Variants in BCAN observed in about 807,000 individuals in gnomAD.
BCAN encodes the protein brevican core protein.
In BCAN, 51 loss-of-function variants were observed where a neutral mutation model predicts 92.4. The observed-to-expected ratio is 0.55, with a 90% CI of 0.44 to 0.70. The LOEUF is 0.70. Ranked by LOEUF, BCAN falls within the 30% of genes least tolerant of loss-of-function variation. The pLI, the probability that BCAN is intolerant of heterozygous loss-of-function variation, is 0.00. For missense variants in BCAN, 1,140 were observed against 1,212.1 expected (o/e 0.94, Z 0.88); for synonymous variants, 501 against 505.2 (o/e 0.99, Z 0.11).
rs1273509956 is a variant in BCAN at position 156,642,210 on chromosome 1, C to G, written c.-74C>G. On this transcript the variant is annotated 5_prime_UTR_variant, in exon 1 of 14. Transcript: ENST00000329117. This position sits in a 1 kb window ranked among gnomAD's most constrained non-coding sequence, Gnocchi z 4.2. ...CAGCTGCAGGACTGAGCCGTGCACC[C>G]GGAGGAGACCCCCGGAGGAGGCGAC... 6.6e-6 allele frequency: 1 copy of G among 152,286 alleles called. No individual in the cohort carries two copies. The highest frequency in any genetic ancestry group is 1.5e-5 in the Non-Finnish European group (1 of 68,102). The allele number at this position is 152,286 out of a possible 1,614,324, so 9.4% of individuals were successfully genotyped here.
At position 156,648,549 on chromosome 1, in the gene BCAN, C is replaced by G. The variant is rs749270952; in HGVS notation, c.770-19C>G. On this transcript the variant is annotated intron_variant, in intron 5 of 13. Coordinates refer to ENST00000329117, the MANE Select transcript of BCAN (RefSeq NM_021948.5). Reference sequence around the variant, plus strand: ...AGCTACCAGCTGCCTGATAACCCAGCCTTCTCTTCTCCACCCAGGAGAACT... The same window carrying G: ...AGCTACCAGCTGCCTGATAACCCAGGCTTCTCTTCTCCACCCAGGAGAACT... 1.6e-5 allele frequency: 25 copies of G among 1,562,552 alleles called. No individual in the cohort carries two copies. The highest frequency in any genetic ancestry group is 4.1e-5 in the African/African-American group (3 of 74,042).
intron 9 of BCAN, 60 bp downstream of exon 9, chr1:156,656,449 T>A: frequency 8.4e-7 from 1 of 1,186,200 alleles, no homozygotes; most frequent in Non-Finnish European, 1.1e-6. Flanking sequence ...ACGTGCTACT[T>A]CTGGAGGGGG....
chr1:156,656,316 G>C lies in BCAN; in HGVS notation c.1977G>C (p.Gly659=). 1 of 1,448,732 alleles carries C rather than the reference G, an allele frequency of 6.9e-7. No individual in the cohort carries two copies. Among genetic ancestry groups the C allele is most frequent in the Non-Finnish European group, 9.0e-7 (1 of 1,107,854 alleles). The allele number at this position is 1,448,732 out of a possible 1,614,324, so 89.7% of individuals were successfully genotyped here. A position where few individuals can be genotyped will look rare whatever the true frequency, so the allele number is the denominator to read the frequency against. Residue 659 remains glycine, a synonymous_variant, in exon 9 of 14, where the codon GGG becomes GGC. Transcript: ENST00000329117. ...DCVPSPCHNG[G]TCLEEEEGVR... ...TCCCCAGCCCCTGCCACAATGGTGG[G>C]ACATGCTTGGAGGAGGAGGAAGGGG...
At position 156,658,389 on chromosome 1, in the gene BCAN, C is replaced by T. The variant is rs1679411690; in HGVS notation, c.2437+118C>T. ...CAACATAGAGGAGTCAGAACGTGTT[C>T]CAGACCATGGGAGAGCTAACAAGTT... On this transcript the variant is annotated intron_variant, in intron 12 of 13. Transcript: ENST00000329117. The surrounding 1 kb of genome is among the most constrained non-coding windows in gnomAD (Gnocchi z 4.4). 2.0e-6 allele frequency: 3 copies of T among 1,484,454 alleles called. No individual in the cohort carries two copies. The East Asian group carries it at 7.0e-5, about 34-fold the overall frequency. The allele number at this position is 1,484,454 out of a possible 1,614,324, so 92.0% of individuals were successfully genotyped here.
chr1:156,652,555 C>G lies in BCAN; in HGVS notation c.1605C>G (p.Val535=), dbSNP rs201720135. The G allele has an allele frequency of 6.2e-7, 1 of 1,613,978 alleles. No homozygotes were observed. Among genetic ancestry groups the G allele is most frequent in the Non-Finnish European group, 8.5e-7 (1 of 1,179,944 alleles). The change falls in exon 8 of 14, where the codon GTC becomes GTG. Residue 535 remains valine, a synonymous_variant. Coordinates refer to ENST00000329117, the MANE Select transcript of BCAN (RefSeq NM_021948.5). ...GESEASRPPR[V]HGPPTETLPT... is the part of the protein sequence containing the mutation. Reference sequence around the variant, plus strand: ...CAGAAGCTTCCAGGCCTCCAAGGGTCCATGGACCACCTACTGAGACTCTGC... The same window carrying G: ...CAGAAGCTTCCAGGCCTCCAAGGGTGCATGGACCACCTACTGAGACTCTGC...
At chr1:156,654,585 C>T (rs989587800) in intron 8 of BCAN, among the ~76,000 whole-genome samples, 1 of 152,200 alleles carries the variant, frequency 6.6e-6, no homozygotes, top group Non-Finnish European at 1.5e-5. Flanking sequence ...ACTCTGCCTG[C>T]GCTGGGTTCA....
At chr1:156,645,436 A>G (rs1678930559) in intron 1 of BCAN, among the ~76,000 whole-genome samples, 1 of 152,170 alleles carries the variant, frequency 6.6e-6, no homozygotes, top group African/African-American at 2.4e-5. Context: ...GGGAGGAAGT[A>G]GAGGAGAGGG....
rs1678985170 is a variant in BCAN at position 156,646,727 on chromosome 1, G to T, written c.92-74G>T. 2.0e-6 allele frequency: 3 copies of T among 1,499,000 alleles called. No homozygotes were observed. The South Asian group carries it at 4.1e-5, about 20-fold the overall frequency. 92.9% of individuals were successfully genotyped at this position (1,499,000 alleles called of 1,614,324 possible). On this transcript the variant is annotated intron_variant, in intron 2 of 13. Coordinates refer to ENST00000329117, the MANE Select transcript of BCAN (RefSeq NM_021948.5). Reference sequence around the variant, plus strand: ...GGGCCGGAAGGAGGGATCCTGGAGCGGGGCTTGGAGGCCACCGGGTGGGAC... The same window carrying T: ...GGGCCGGAAGGAGGGATCCTGGAGCTGGGCTTGGAGGCCACCGGGTGGGAC...
chr1:156,652,829 G>A lies in BCAN; in HGVS notation c.1879G>A (p.Ala627Thr). Residue 627 changes from alanine to threonine, a missense_variant, in exon 8 of 14, where the codon GCC becomes ACC. This residue lies in a region of BCAN where 825 missense variants were observed against 871.8 expected (regional missense o/e 0.95). Coordinates refer to ENST00000329117, the MANE Select transcript of BCAN (RefSeq NM_021948.5). ...TGCCCCAGCAGGGACCTCAGTGCAG[G>A]CCCAGCCAGTGCTGCCCACTGACAG... ...RTAPAGTSVQAQPVLPTDSAS... is the reference protein window; with the variant it reads ...RTAPAGTSVQTQPVLPTDSAS... 1 of 1,613,760 alleles carries A rather than the reference G, an allele frequency of 6.2e-7. No individual in the cohort carries two copies.
chr1:156,646,102 G>A lies in BCAN; in HGVS notation c.48G>A (p.Gln16=). The A allele has an allele frequency of 6.2e-7, 1 of 1,613,942 alleles. No individual in the cohort carries two copies. The highest frequency in any genetic ancestry group is 1.3e-5 in the African/African-American group (1 of 75,072). ...LPLLAALVLA[Q]APAALADVLE... ...TGCTGGCAGCCCTGGTCCTGGCCCA[G>A]GCTCCTGCAGCTTTAGCAGATGTTC... The change falls in exon 2 of 14, where the codon CAG becomes CAA. Residue 16 remains glutamine (Q), a synonymous_variant. Coordinates refer to ENST00000329117, the MANE Select transcript of BCAN (RefSeq NM_021948.5).
intron 6 of BCAN, among the ~76,000 whole-genome samples, chr1:156,651,145 T>G (rs1450455867): frequency 6.6e-6 from 1 of 152,244 alleles, no homozygotes; most frequent in Non-Finnish European, 1.5e-5. Flanking sequence ...GTGTTCTTTA[T>G]CTTGTAAGAT....
chr1:156,651,841 T>A, intron 7 of BCAN, 152 bp downstream of exon 7: 1 of 713,344 alleles, frequency 1.4e-6, no homozygotes. Context: ...TTCCTGTCCC[T>A]CTCCCAACCT....
intron 1 of BCAN, 37 bp from the exon 2 acceptor site, chr1:156,646,010 T>C (rs774070670): frequency 6.4e-6 from 10 of 1,573,346 alleles, no homozygotes; most frequent in South Asian, 1.1e-5. Flanking sequence ...CATCCTGAAG[T>C]CTAACCCCAT....
rs1679411969 is a variant in BCAN, at chr1:156,658,397, T to C, written c.2437+126T>C. ...AGGAGTCAGAACGTGTTCCAGACCA[T>C]GGGAGAGCTAACAAGTTACGTGGGT... is the stretch of plus-strand genomic sequence containing the variant. On this transcript the variant is annotated intron_variant, in intron 12 of 13. Transcript: ENST00000329117. The surrounding 1 kb of genome is among the most constrained non-coding windows in gnomAD (Gnocchi z 4.4). 3.4e-6 allele frequency: 5 copies of C among 1,472,046 alleles called. No homozygotes were observed. The highest frequency in any genetic ancestry group is 4.6e-6 in the Non-Finnish European group (5 of 1,091,648). The allele number at this position is 1,472,046 out of a possible 1,614,324, so 91.2% of individuals were successfully genotyped here.
In BCAN at chr1:156,652,772, G is replaced by A; in HGVS notation, c.1822G>A (p.Glu608Lys). The A allele has an allele frequency of 6.2e-7, 1 of 1,611,356 alleles. No homozygotes were observed. The highest frequency in any genetic ancestry group is 8.5e-7 in the Non-Finnish European group (1 of 1,178,114). Reference sequence around the variant, plus strand: ...GGCCCCTGAGGGTACCAGGGAGCTGGAGGCCCCCTCTGAAGATAATTCTGG... The same window carrying A: ...GGCCCCTGAGGGTACCAGGGAGCTGAAGGCCCCCTCTGAAGATAATTCTGG... ...TRAPEGTREL[E>K]APSEDNSGRT... The change falls in exon 8 of 14, where the codon GAG becomes AAG. Residue 608 changes from glutamate to lysine, a missense_variant. Glu to Lys is a moderately conservative substitution (Grantham distance 56). Around this residue, in one of 3 missense-constraint regions of BCAN, gnomAD observed 825 missense variants for 871.8 expected, o/e 0.95. Coordinates refer to ENST00000329117, the MANE Select transcript of BCAN (RefSeq NM_021948.5).
intron 8 of BCAN, 55 bp downstream of exon 8, chr1:156,652,947 T>C: frequency 6.3e-7 from 1 of 1,598,492 alleles, no homozygotes; most frequent in Admixed American, 1.7e-5. Context: ...TTCTTCCCCC[T>C]GCAGCTCTGG....
intron 1 of BCAN, chr1:156,643,371 C>T (rs1448047434): frequency 3.3e-5 from 5 of 152,238 alleles, no homozygotes; most frequent in African/African-American, 4.8e-5. Flanking sequence ...ATTACTTCTA[C>T]AGGCCCTAAG....
Position 156,646,924 on chromosome 1 carries a change from T to C in BCAN, c.215T>C (p.Leu72Pro). 5 of 1,612,564 alleles carry C rather than the reference T, an allele frequency of 3.1e-6. No homozygotes were observed. The highest frequency in any genetic ancestry group is 4.2e-6 in the Non-Finnish European group (5 of 1,179,580). ...LRPPPSRRAV[L>P]GSPRVKWTFL... The stretch of plus-strand genomic sequence containing the variant: ...CCACCGCCGAGCCGCCGGGCTGTGC[T>C]GGGCTCTCCGCGGGTCAAGTGGACT... The change falls in exon 3 of 14, where the codon CTG (leucine) becomes CCG (proline). Residue 72 changes from leucine to proline, a missense_variant. Leu to Pro is a moderately conservative substitution (Grantham distance 98). Coordinates refer to ENST00000329117, the MANE Select transcript of BCAN (RefSeq NM_021948.5).
Position 156,658,116 on chromosome 1 carries a change from C to T in BCAN, c.2293-11C>T, listed in dbSNP as rs182827896. The stretch of plus-strand genomic sequence containing the variant: ...TGTAGGAGCTCCTCACCACCTCCTC[C>T]GTTCCCCCAGCTCTATGAGAACTGG... On this transcript the variant is annotated splice_polypyrimidine_tract_variant and intron_variant, in intron 11 of 13. Coordinates refer to ENST00000329117, the MANE Select transcript of BCAN (RefSeq NM_021948.5). This position sits in a 1 kb window ranked among gnomAD's most constrained non-coding sequence, Gnocchi z 4.4. The T allele has an allele frequency of 2.2e-5, 36 of 1,612,598 alleles. No individual in the cohort carries two copies. In the African/African-American group the frequency reaches 2.9e-4, roughly 13 times the overall value.
Sources: gnomAD v4.1 joint callset for allele counts (sites outside exome capture counted in the v4.1 genomes callset) on GRCh38, gnomAD v4.1.1 for gene constraint, gnomAD v4.1.1 regional missense constraint, Gnocchi (gnomAD v3.1) non-coding constraint, MANE v1.5 for transcripts, NCBI Gene and HGNC (gene_info 2026-07-23, HGNC 2026-07-21) for gene names.